Variants in TBL1X observed in about 807,000 individuals in gnomAD.
TBL1X encodes transducin beta like 1 X-linked, also known as F-box-like/WD repeat-containing protein TBL1X.
Under a neutral mutation model 50.7 loss-of-function variants are expected in TBL1X, and 10 were observed. The observed-to-expected ratio is 0.20, with a 90% CI of 0.12 to 0.33. TBL1X has a LOEUF of 0.33. Ranked by LOEUF, TBL1X falls within the 10% of genes least tolerant of loss-of-function variation. The pLI is 1.00. For missense variants in TBL1X, 340 were observed against 504.4 expected, an observed-to-expected ratio of 0.67 and a Z score of 3.12; for synonymous variants, 190 against 214.7, an observed-to-expected ratio of 0.88 and a Z score of 1.01.
chrX:9,656,394 G>A (rs773806885), intron 5 of TBL1X, among the ~76,000 whole-genome samples: 18 of 112,898 alleles, frequency 1.6e-4, no homozygotes, highest in Non-Finnish European at 3.2e-4. Context: ...CACGTGCTCC[G>A]GTAACCTGGA....
At chrX:9,558,439 C>A (rs1184853978) in intron 2 of TBL1X, among the ~76,000 whole-genome samples, 5 of 110,039 alleles carry the variant, frequency 4.5e-5, no homozygotes, top group Admixed American at 1.9e-4. Context: ...ATTGCTTGAA[C>A]CTGGGAGGTG....
At chrX:9,703,861 T>C (rs1476865523) in intron 12 of TBL1X, among the ~76,000 whole-genome samples, 5 of 112,235 alleles carry the variant, frequency 4.5e-5, no homozygotes, top group African/African-American at 1.6e-4. Context: ...TTGCTAGGAC[T>C]TCAGTGCCCT....
At chrX:9,549,233 G>A (rs979228991) in intron 2 of TBL1X, among the ~76,000 whole-genome samples, 3 of 112,445 alleles carry the variant, frequency 2.7e-5, no homozygotes, top group Non-Finnish European at 5.6e-5. Flanking sequence ...GTGGCCAGGA[G>A]GTGGGGGTCC....
chrX:9,556,208 AAC>A (rs1569054361), intron 2 of TBL1X, among the ~76,000 whole-genome samples: 296 of 105,836 alleles, frequency 2.8e-3, no homozygotes, highest in Admixed American at 4.6e-3. Flanking sequence ...AACAAAACAA[AAC>A]AAAAAAAACA....
chrX:9,628,533 C>CTT (rs751325331), intron 2 of TBL1X, among the ~76,000 whole-genome samples: 1 of 100,621 alleles, frequency 9.9e-6, no homozygotes, highest in Admixed American at 1.1e-4. Flanking sequence ...AAGAGTTGGA[C>CTT]TTTTTTTTTC....
intron 2 of TBL1X, among the ~76,000 whole-genome samples, chrX:9,504,518 T>C (rs868702947): frequency 4.0e-4 from 45 of 112,014 alleles, no homozygotes; most frequent in African/African-American, 1.4e-3. Context: ...TAAAGGAGCA[T>C]GTTCTAACCT....
intron 2 of TBL1X, among the ~76,000 whole-genome samples, chrX:9,576,695 T>TA (rs146596930): frequency 0.11 from 7,812 of 72,298 alleles, 482 homozygotes; most frequent in African/African-American, 0.16. Context: ...AGCACTACAT[T>TA]AAAAAAAAAA....
chrX:9,698,291 A>G (rs2083145251), intron 12 of TBL1X, among the ~76,000 whole-genome samples: 1 of 111,415 alleles, frequency 9.0e-6, no homozygotes, highest in Non-Finnish European at 1.9e-5. Flanking sequence ...TTCTAAAGGG[A>G]TGCTGTTTTG....
chrX:9,574,124 C>T (rs1038951088), intron 2 of TBL1X, among the ~76,000 whole-genome samples: 28 of 110,905 alleles, frequency 2.5e-4, no homozygotes, highest in African/African-American at 9.2e-4. Context: ...TGGAAAGTGC[C>T]TGGACCTCTG....
At chrX:9,631,617 G>A (rs759618799) in intron 2 of TBL1X, among the ~76,000 whole-genome samples, 2 of 112,414 alleles carry the variant, frequency 1.8e-5, no homozygotes, top group East Asian at 5.6e-4. Context: ...ACAACAATGT[G>A]CTTTCATTCT....
intron 6 of TBL1X, among the ~76,000 whole-genome samples, chrX:9,686,233 A>T (rs1358451383): frequency 9.0e-6 from 1 of 111,705 alleles, no homozygotes; most frequent in Non-Finnish European, 1.9e-5. Flanking sequence ...TCCAAGGTCC[A>T]GCCAGCCATC....
At chrX:9,689,836 A>G (rs1452678025) in intron 7 of TBL1X, among the ~76,000 whole-genome samples, 2 of 112,786 alleles carry the variant, frequency 1.8e-5, no homozygotes, top group African/African-American at 6.4e-5. Context: ...CAGCCAGATG[A>G]CACTTTCAGA....
At chrX:9,485,701 G>A (rs2081907906) in intron 1 of TBL1X, among the ~76,000 whole-genome samples, 1 of 111,087 alleles carries the variant, frequency 9.0e-6, no homozygotes, top group East Asian at 2.8e-4. Context: ...GAACCTTTGG[G>A]CAAAGCATAG....
chrX:9,492,736 C>T lies in TBL1X; in HGVS notation c.-200-9044C>T. Reference sequence around the variant, plus strand: ...CAAACTTCCCTTTCTGTTCGGTATGCCTCTGTACCAAGACGTTTTGTTGAT... The same window carrying T: ...CAAACTTCCCTTTCTGTTCGGTATGTCTCTGTACCAAGACGTTTTGTTGAT... On this transcript the variant is annotated intron_variant, in intron 1 of 17. Coordinates refer to ENST00000645353, the MANE Select transcript of TBL1X (RefSeq NM_005647.4). Among the ~76,000 whole-genome samples, 3 of 110,000 alleles carry T rather than the reference C, an allele frequency of 2.7e-5. 1 individual carries two copies. In the Admixed American group the frequency reaches 2.9e-4, roughly 11 times the overall value.
At chrX:9,609,582 G>A (rs2082603449) in intron 2 of TBL1X, among the ~76,000 whole-genome samples, 2 of 111,186 alleles carry the variant, frequency 1.8e-5, no homozygotes, top group South Asian at 7.5e-4. Flanking sequence ...TGTGTTGCTG[G>A]AGATTTCAAT....
rs757785793 is a variant in TBL1X at position 9,716,082 on chromosome X, G to A, written c.1708-138G>A. On this transcript the variant is annotated intron_variant, in intron 17 of 17. Coordinates refer to ENST00000645353, the MANE Select transcript of TBL1X (RefSeq NM_005647.4). ...GAGAGCTTCTCTGACCCTTCATGAC[G>A]ATGTTCCAATAAACTTTACTGACAA... The A allele has an allele frequency of 2.9e-5, 18 of 627,236 alleles. No homozygotes were observed. In the East Asian group the frequency reaches 3.6e-4, roughly 13 times the overall value. The allele number at this position is 627,236 out of a possible 1,213,427, so 51.7% of individuals were successfully genotyped here.
At chrX:9,593,123 C>T (rs1016576826) in intron 2 of TBL1X, among the ~76,000 whole-genome samples, 17 of 111,312 alleles carry the variant, frequency 1.5e-4, no homozygotes, top group African/African-American at 4.9e-4. Flanking sequence ...CACCTGGGGT[C>T]GGGCGCGGTG....
chrX:9,672,889 A>G (rs931272739), intron 5 of TBL1X, among the ~76,000 whole-genome samples: 2 of 112,519 alleles, frequency 1.8e-5, no homozygotes, highest in Admixed American at 1.9e-4. Flanking sequence ...AATACCATAA[A>G]CAACAGAGAT....
Position 9,523,416 on chromosome X carries a change from C to T in TBL1X, c.-131+21567C>T, listed in dbSNP as rs148639225. ...GGCAGCATTACCCACACTGGGCCACCGTGGGCCAAGTCACCCACACTGGGC... is the reference window on the plus strand; with the variant it reads ...GGCAGCATTACCCACACTGGGCCACTGTGGGCCAAGTCACCCACACTGGGC... On this transcript the variant is annotated intron_variant, in intron 2 of 17. Transcript: ENST00000645353. Among the ~76,000 whole-genome samples the T allele has an allele frequency of 8.1e-5, 9 of 111,704 alleles. No individual in the cohort carries two copies. The East Asian group carries it at 8.5e-4, about 11-fold the overall frequency.
Sources: allele counts gnomAD v4.1 joint callset (sites outside exome capture counted in the v4.1 genomes callset), GRCh38; gene constraint gnomAD v4.1.1; transcripts MANE v1.5; gene names NCBI Gene and HGNC (gene_info 2026-07-23, HGNC 2026-07-21).